TXLNB: variants seen among roughly 807,000 people sequenced by gnomAD.
TXLNB encodes taxilin beta.
A neutral mutation model predicts 57.4 loss-of-function variants in TXLNB; 37 were observed. That is an observed-to-expected ratio of 0.64 (90% CI 0.50 to 0.85). The LOEUF (loss-of-function observed/expected upper bound fraction) is 0.85, where lower values mean the gene tolerates loss of function less well. TXLNB is among the 40% of genes least tolerant of loss of function. The probability of loss-of-function intolerance (pLI) is 0.00; values close to 1 mark genes in which losing one functional copy is unlikely to be tolerated. For missense variants in TXLNB, 848 were observed against 825.6 expected (o/e 1.03, Z -0.33); for synonymous variants, 302 against 309.6 (o/e 0.98, Z 0.26).
chr6:139,177,562 T>C, the TXLNB span: 2 of 154,122 alleles, frequency 1.3e-5, 1 homozygote, highest in South Asian at 4.1e-4. The surrounding 1 kb of genome is among the most constrained non-coding windows in gnomAD (Gnocchi z 4.9). Context: ...TAATAGTGCA[T>C]TAGTCTATCT....
chr6:139,191,427 AT>A, the TXLNB span, among the ~76,000 whole-genome samples: 3 of 152,362 alleles, frequency 2.0e-5, no homozygotes, highest in Admixed American at 6.5e-5. Context: ...CTCAAAAAAA[AT>A]AAAAATAAAA....
chr6:139,216,565 T>G, the TXLNB span, among the ~76,000 whole-genome samples: 1 of 152,000 alleles, frequency 6.6e-6, no homozygotes, highest in Non-Finnish European at 1.5e-5. Flanking sequence ...ACATGGCACA[T>G]GTATACATAT....
chr6:139,248,972 T>G (rs529438229), intron 7 of TXLNB, among the ~76,000 whole-genome samples: 1 of 152,266 alleles, frequency 6.6e-6, no homozygotes, highest in Non-Finnish European at 1.5e-5. Flanking sequence ...CCAATAGCAG[T>G]TAAATGTCCC....
At chr6:139,167,026 C>T in the TXLNB span, 2 of 1,614,084 alleles carry the variant, frequency 1.2e-6, no homozygotes, top group African/African-American at 1.3e-5. Flanking sequence ...GACACTTCGA[C>T]ACCCCCGTGC....
chr6:139,203,500 T>G, the TXLNB span: 3 of 152,234 alleles, frequency 2.0e-5, no homozygotes, highest in African/African-American at 7.2e-5. Context: ...TAAAGCTGCC[T>G]ACTCCCTTTT....
intron 3 of TXLNB, among the ~76,000 whole-genome samples, chr6:139,270,999 T>C (rs1369640696): frequency 6.6e-6 from 1 of 152,186 alleles, no homozygotes; most frequent in Non-Finnish European, 1.5e-5. Context: ...ATTGAGGCAA[T>C]GATCTAAAGT....
At chr6:139,184,779 A>C in the TXLNB span, among the ~76,000 whole-genome samples, 1 of 152,182 alleles carries the variant, frequency 6.6e-6, no homozygotes, top group Admixed American at 6.5e-5. Flanking sequence ...ATTTCTCACA[A>C]TCTTGTTAGA....
At chr6:139,183,054 A>G in the TXLNB span, 1 of 152,268 alleles carries the variant, frequency 6.6e-6, no homozygotes, top group Admixed American at 6.5e-5. Flanking sequence ...CAAAACAGTC[A>G]TAGAATTTAG....
At chr6:139,263,535 G>C (rs545946224) in intron 4 of TXLNB, among the ~76,000 whole-genome samples, 3 of 152,056 alleles carry the variant, frequency 2.0e-5, no homozygotes, top group Admixed American at 1.3e-4. Context: ...TCCTTCTTCC[G>C]CTTTGTTAAC....
the TXLNB span, among the ~76,000 whole-genome samples, chr6:139,194,068 C>G: frequency 6.6e-6 from 1 of 151,662 alleles, no homozygotes; most frequent in Non-Finnish European, 1.5e-5. Context: ...GTCTCGATCT[C>G]CTGACCTCGT....
intron 8 of TXLNB, among the ~76,000 whole-genome samples, 200 bp from the exon 9 acceptor site, chr6:139,244,890 T>C (rs1776035788): frequency 6.6e-6 from 1 of 152,200 alleles, no homozygotes; most frequent in Admixed American, 6.5e-5. Context: ...GCAAACTTAT[T>C]TGCACCTGAG....
the TXLNB span, among the ~76,000 whole-genome samples, chr6:139,217,356 C>T: frequency 1.3e-5 from 2 of 152,086 alleles, no homozygotes; most frequent in African/African-American, 2.4e-5. Context: ...AGCCACTTTG[C>T]ACAGAAGCTT....
chr6:139,278,144 T>C (rs1479149428), intron 2 of TXLNB, among the ~76,000 whole-genome samples: 1 of 152,154 alleles, frequency 6.6e-6, no homozygotes, highest in Non-Finnish European at 1.5e-5. Context: ...GACTAACCGG[T>C]TAATTTTATG....
chr6:139,311,900 C>T, the TXLNB span, among the ~76,000 whole-genome samples: 1 of 152,078 alleles, frequency 6.6e-6, no homozygotes. Context: ...AGCTCTCTTC[C>T]TGGTTTGCAA....
chr6:139,305,121 C>T, the TXLNB span, among the ~76,000 whole-genome samples: 1 of 152,068 alleles, frequency 6.6e-6, no homozygotes, highest in Non-Finnish European at 1.5e-5. Context: ...TTACCTTTTC[C>T]ACTCACTTTT....
intron 5 of TXLNB, among the ~76,000 whole-genome samples, chr6:139,261,490 GATTTAAAATT>G (rs1260232117): frequency 6.6e-6 from 1 of 152,098 alleles, no homozygotes; most frequent in Non-Finnish European, 1.5e-5. Context: ...TTAAAGCAGA[GATTTAAAATT>G]TGGGTGGGAT....
At chr6:139,236,396 A>C (rs146182550), downstream of TXLNB, among the ~76,000 whole-genome samples, 325 of 152,184 alleles carry the variant, frequency 2.1e-3, no homozygotes, top group African/African-American at 7.6e-3. Context: ...GGCACCAAAG[A>C]AGCGAGCCAC....
At chr6:139,218,178 G>A in the TXLNB span, among the ~76,000 whole-genome samples, 1 of 152,130 alleles carries the variant, frequency 6.6e-6, no homozygotes, top group Admixed American at 6.5e-5. Flanking sequence ...TTGGGTTCTC[G>A]ACTTAATAGG....
At chr6:139,251,799 G>A (rs1003926083) in intron 7 of TXLNB, among the ~76,000 whole-genome samples, 1 of 152,202 alleles carries the variant, frequency 6.6e-6, no homozygotes, top group Non-Finnish European at 1.5e-5. Context: ...AATCATCTTG[G>A]TGAACCTGTG....
Sources: allele counts gnomAD v4.1 joint callset (sites outside exome capture counted in the v4.1 genomes callset), GRCh38; gene constraint gnomAD v4.1.1; non-coding constraint Gnocchi (gnomAD v3.1); transcripts MANE v1.5; gene names NCBI Gene and HGNC (gene_info 2026-07-23, HGNC 2026-07-21).